The following PCDHGA5 variants were observed in gnomAD, a reference collection of about 807,000 sequenced individuals.
PCDHGA5 encodes the protein protocadherin gamma-A5.
A neutral mutation model predicts 56.7 loss-of-function variants in PCDHGA5; 36 were observed. The ratio of observed to expected loss-of-function variants is 0.64; its 90% CI spans 0.49 to 0.84. The LOEUF (loss-of-function observed/expected upper bound fraction) is 0.84. PCDHGA5 is among the 40% of genes least tolerant of loss of function. The pLI is 0.00. For synonymous variants in PCDHGA5, 563 were observed against 520.2 expected, an observed-to-expected ratio of 1.08 and a Z score of -1.12; for missense variants, 1,305 against 1,201.5, an observed-to-expected ratio of 1.09 and a Z score of -1.27.
chr5:141,374,196 A>T, intron 1 of PCDHGA5: 1 of 1,613,838 alleles, frequency 6.2e-7, no homozygotes, highest in Non-Finnish European at 8.5e-7. Flanking sequence ...ATTCCCGAGG[A>T]GCTGGAGAAA....
At chr5:141,395,076 C>A (rs1384743817) in intron 1 of PCDHGA5, 1 of 1,614,142 alleles carries the variant, frequency 6.2e-7, no homozygotes, top group Admixed American at 1.7e-5. Context: ...GACCTATTCC[C>A]AGGAAGTCTC....
chr5:141,393,572 G>A, intron 1 of PCDHGA5: 1 of 1,613,908 alleles, frequency 6.2e-7, no homozygotes, highest in Non-Finnish European at 8.5e-7. Context: ...AAGTCCTTGA[G>A]AACATGCCCC....
Position 141,427,654 on chromosome 5 carries a change from TCCACGTGGC to T in PCDHGA5, c.2421+60905_2421+60913del, listed in dbSNP as rs562748605. On this transcript the variant is annotated intron_variant, in intron 1 of 3. Coordinates refer to ENST00000518069, the MANE Select transcript of PCDHGA5 (RefSeq NM_018918.3). ...GTTTTCCACCAAGTCTCCTACGTGG[TCCACGTGGC>T]CGAAAACAACCTTCCCGGAGCCTCC... 2.0e-4 allele frequency: 148 copies of T among 727,622 alleles called. No individual in the cohort carries two copies. The African/African-American group carries it at 2.4e-3, about 12-fold the overall frequency. The allele number at this position is 727,622 out of a possible 1,614,324, so 45.1% of individuals were successfully genotyped here.
At chr5:141,397,706 T>G (rs2093559040) in intron 1 of PCDHGA5, among the ~76,000 whole-genome samples, 1 of 152,246 alleles carries the variant, frequency 6.6e-6, no homozygotes, top group African/African-American at 2.4e-5. Flanking sequence ...CAACGTGATA[T>G]TTCTAACAAT....
chr5:141,403,026 AGGCCAG>A, intron 1 of PCDHGA5: 1 of 1,614,074 alleles, frequency 6.2e-7, no homozygotes, highest in Non-Finnish European at 8.5e-7. Context: ...ATGCTATGGG[AGGCCAG>A]GGCCAGTCAG....
rs2099637746 is a variant in PCDHGA5, at chr5:141,486,980, A to G, written c.2422-7827A>G. Reference sequence around the variant, plus strand: ...TGCTGTGGACTTGGATTCAGGTTACAATGCTTGGGTTTCCTATCAGCTCCT... The same window carrying G: ...TGCTGTGGACTTGGATTCAGGTTACGATGCTTGGGTTTCCTATCAGCTCCT... On this transcript the variant is annotated intron_variant, in intron 1 of 3. Coordinates refer to ENST00000518069, the MANE Select transcript of PCDHGA5 (RefSeq NM_018918.3). This position sits in a 1 kb window ranked among gnomAD's most constrained non-coding sequence, Gnocchi z 5.0. The G allele has an allele frequency of 1.2e-6, 2 of 1,614,040 alleles. No individual in the cohort carries two copies. The highest frequency in any genetic ancestry group is 1.3e-5 in the African/African-American group (1 of 74,908).
rs577323909 is a variant in PCDHGA5 at position 141,419,160 on chromosome 5, C to G, written c.2421+52409C>G. 13 of 1,613,956 alleles carry G rather than the reference C, an allele frequency of 8.1e-6. 1 individual carries two copies. In the South Asian group the frequency reaches 1.4e-4, roughly 18 times the overall value. On this transcript the variant is annotated intron_variant, in intron 1 of 3. Coordinates refer to ENST00000518069, the MANE Select transcript of PCDHGA5 (RefSeq NM_018918.3). ...GACAGGGGCAAGCCTCCGTTATCCT[C>G]CAGCAAAACCATAACCCTGCACATT...
chr5:141,415,514 C>G, intron 1 of PCDHGA5: 2 of 1,614,178 alleles, frequency 1.2e-6, no homozygotes, highest in Non-Finnish European at 8.5e-7. Flanking sequence ...CCCAATTATG[C>G]GGACACGCTC....
chr5:141,441,740 G>T (rs1241907865), intron 1 of PCDHGA5: 2 of 364,772 alleles, frequency 5.5e-6, no homozygotes, highest in Non-Finnish European at 1.1e-5. Context: ...ACTAGCTCGC[G>T]CTCGGCGTCA....
rs1454395834 is a variant in PCDHGA5, at chr5:141,413,223, G to A, written c.2421+46472G>A. The stretch of plus-strand genomic sequence containing the variant: ...CAAAGGAATCAAAGGATTGCAGCGG[G>A]CTGGTCCTGCTCTGCCTTTTCTTCG... On this transcript the variant is annotated intron_variant, in intron 1 of 3. Transcript: ENST00000518069. 4 of 1,613,694 alleles carry A rather than the reference G, an allele frequency of 2.5e-6. No individual in the cohort carries two copies. In the African/African-American group the frequency reaches 4.0e-5, roughly 16 times the overall value.
chr5:141,404,463 A>G lies in PCDHGA5; in HGVS notation c.2421+37712A>G, dbSNP rs969137248. 10 of 1,612,548 alleles carry G rather than the reference A, an allele frequency of 6.2e-6. No homozygotes were observed. In the South Asian group the frequency reaches 9.9e-5, roughly 16 times the overall value. ...ATCCAAGGGTCTCCTCTCTCCACCTATGTCTCTATTAACTCAGACACTGGT... is the reference window on the plus strand; with the variant it reads ...ATCCAAGGGTCTCCTCTCTCCACCTGTGTCTCTATTAACTCAGACACTGGT... On this transcript the variant is annotated intron_variant, in intron 1 of 3. Transcript: ENST00000518069.
At chr5:141,470,552 T>G (rs1303190360) in intron 1 of PCDHGA5, among the ~76,000 whole-genome samples, 1 of 151,966 alleles carries the variant, frequency 6.6e-6, no homozygotes, top group East Asian at 1.9e-4. Flanking sequence ...TTATTGAGAG[T>G]TTCCTCTGTG....
At chr5:141,455,634 G>C (rs1429708887) in intron 1 of PCDHGA5, among the ~76,000 whole-genome samples, 1 of 152,110 alleles carries the variant, frequency 6.6e-6, no homozygotes. Context: ...GAGATATGTG[G>C]GGGGCAGCCA....
At chr5:141,459,442 A>G (rs2098968073) in intron 1 of PCDHGA5, among the ~76,000 whole-genome samples, 1 of 152,198 alleles carries the variant, frequency 6.6e-6, no homozygotes, top group South Asian at 2.1e-4. Context: ...CATTCATTCA[A>G]CTGTTGGTGG....
rs112731052 is a variant in PCDHGA5 at position 141,457,109 on chromosome 5, A to G, written c.2422-37698A>G. ...TATAAGGATACTAATTAAGCAAAAT[A>G]CGACAGCAATGGAAACTCTGTCCAA... is the stretch of plus-strand genomic sequence containing the variant. On this transcript the variant is annotated intron_variant, in intron 1 of 3. Coordinates refer to ENST00000518069, the MANE Select transcript of PCDHGA5 (RefSeq NM_018918.3). 8.3e-3 allele frequency among the ~76,000 whole-genome samples: 1,258 copies of G among 152,360 alleles called. 17 individuals are homozygous for G. Among genetic ancestry groups the G allele is most frequent in the African/African-American group, 0.029 (1,195 of 41,578 alleles).
intron 1 of PCDHGA5, chr5:141,478,768 A>G: frequency 6.7e-7 from 1 of 1,501,046 alleles, no homozygotes; most frequent in African/African-American, 1.4e-5. Context: ...TACTTGACTC[A>G]TCTGTGGACC....
chr5:141,418,776 C>G (rs763308217), intron 1 of PCDHGA5: 1 of 1,613,806 alleles, frequency 6.2e-7, no homozygotes, highest in East Asian at 2.2e-5. Flanking sequence ...ACTCAGCAGC[C>G]TTTGGATTTT....
At chr5:141,447,400 A>G (rs904985523) in intron 1 of PCDHGA5, among the ~76,000 whole-genome samples, 1 of 152,090 alleles carries the variant, frequency 6.6e-6, no homozygotes, top group Non-Finnish European at 1.5e-5. Flanking sequence ...GGCCTCCCAA[A>G]GTGCTGGGAT....
At chr5:141,389,147 G>C (rs530113846) in intron 1 of PCDHGA5, 120 of 1,613,986 alleles carry the variant, frequency 7.4e-5, no homozygotes, top group Admixed American at 4.8e-4. Flanking sequence ...TAACCGTTAC[G>C]GCAACAGATC....
Sources: allele counts gnomAD v4.1 joint callset (sites outside exome capture counted in the v4.1 genomes callset), GRCh38; gene constraint gnomAD v4.1.1; non-coding constraint Gnocchi (gnomAD v3.1); transcripts MANE v1.5; gene names NCBI Gene and HGNC (gene_info 2026-07-23, HGNC 2026-07-21).